CYTH1: variants seen among roughly 807,000 people sequenced by gnomAD.
CYTH1 encodes cytohesin 1.
In CYTH1, 18 loss-of-function variants were observed where a neutral mutation model predicts 61.8. That is an observed-to-expected ratio of 0.29 (90% CI 0.20 to 0.43). The LOEUF is 0.43. Among genes scored for constraint, CYTH1 ranks in the 20% least tolerant of loss-of-function variants. The probability of loss-of-function intolerance (pLI) is 1.00; values close to 1 mark genes in which losing one functional copy is unlikely to be tolerated. For missense variants in CYTH1, 336 were observed against 510.5 expected (o/e 0.66, Z 3.29); for synonymous variants, 174 against 184.3 (o/e 0.94, Z 0.45).
chr17:78,780,807 G>C (rs2093513885), intron 1 of CYTH1, among the ~76,000 whole-genome samples: 1 of 152,134 alleles, frequency 6.6e-6, no homozygotes, highest in Non-Finnish European at 1.5e-5. Flanking sequence ...AGAAGTTCAA[G>C]ACCAGCCTGG....
At chr17:78,714,662 C>T (rs2093166000) in intron 1 of CYTH1, among the ~76,000 whole-genome samples, 1 of 152,100 alleles carries the variant, frequency 6.6e-6, no homozygotes, top group East Asian at 1.9e-4. Context: ...GAGAACCCTA[C>T]CCCAAGCAGG....
At chr17:78,745,132 C>G (rs1257148433) in intron 1 of CYTH1, among the ~76,000 whole-genome samples, 1 of 151,948 alleles carries the variant, frequency 6.6e-6, no homozygotes, top group Non-Finnish European at 1.5e-5. Flanking sequence ...CAGAGAGGAC[C>G]CTTGAGCCAG....
intron 11 of CYTH1, among the ~76,000 whole-genome samples, chr17:78,684,611 T>C (rs1187257070): frequency 6.6e-6 from 1 of 152,160 alleles, no homozygotes; most frequent in African/African-American, 2.4e-5. Context: ...AGAATACAGG[T>C]GAAAGGTTTA....
chr17:78,727,227 C>T (rs562357605), intron 1 of CYTH1, among the ~76,000 whole-genome samples: 2 of 152,362 alleles, frequency 1.3e-5, no homozygotes, highest in African/African-American at 4.8e-5. Flanking sequence ...CCAAGCACCA[C>T]AGACATGATA....
chr17:78,711,859 C>T (rs1320031377), intron 1 of CYTH1, among the ~76,000 whole-genome samples: 1 of 151,740 alleles, frequency 6.6e-6, no homozygotes, highest in African/African-American at 2.4e-5. Flanking sequence ...ACCAGGCAGA[C>T]TGCTTGAGCC....
At chr17:78,680,493 G>T in intron 12 of CYTH1, 149 bp from the exon 13 acceptor site, 1 of 969,190 alleles carries the variant, frequency 1.0e-6, no homozygotes, top group Non-Finnish European at 1.5e-6. Context: ...AAGCCTAGAA[G>T]CGGAATTCTA....
chr17:78,757,098 C>T (rs1197981688), intron 1 of CYTH1, among the ~76,000 whole-genome samples: 6 of 151,198 alleles, frequency 4.0e-5, no homozygotes, highest in African/African-American at 1.2e-4. Flanking sequence ...CAGACGCCCG[C>T]CACCATACCC....
At chr17:78,769,273 T>C (rs1598925479) in intron 1 of CYTH1, among the ~76,000 whole-genome samples, 1 of 151,536 alleles carries the variant, frequency 6.6e-6, no homozygotes, top group African/African-American at 2.4e-5. Flanking sequence ...GTCCCCCATT[T>C]CTCTAACCCT....
In CYTH1 at chr17:78,755,027, A is replaced by C. The variant is rs765861419; in HGVS notation, c.22+27175T>G. ...ACATGAATGTTCCCAGCAGTTTTAT[A>C]CACAATAGCCCAAATCTGGAAACAA... On this transcript the variant is annotated intron_variant, in intron 1 of 13. Transcript: ENST00000446868. Among the ~76,000 whole-genome samples the C allele has an allele frequency of 1.2e-4, 19 of 152,292 alleles. No homozygotes were observed. The Middle Eastern group carries it at 0.01, about 82-fold the overall frequency.
intron 1 of CYTH1, among the ~76,000 whole-genome samples, chr17:78,731,012 A>T (rs1035860063): frequency 2.0e-5 from 3 of 152,130 alleles, no homozygotes; most frequent in Admixed American, 2.0e-4. Context: ...GAAAGTCCTC[A>T]CACACCAGCT....
chr17:78,740,216 G>A (rs1010595019), intron 1 of CYTH1, among the ~76,000 whole-genome samples: 4 of 152,126 alleles, frequency 2.6e-5, no homozygotes, highest in African/African-American at 7.2e-5. Flanking sequence ...GATTACAGGC[G>A]TGAGCCATTG....
At chr17:78,755,629 G>A (rs1273813131) in intron 1 of CYTH1, among the ~76,000 whole-genome samples, 1 of 152,126 alleles carries the variant, frequency 6.6e-6, no homozygotes, top group Non-Finnish European at 1.5e-5. Context: ...TGGGGCCGGG[G>A]TAGAGGGAGG....
In CYTH1 at chr17:78,675,808, A is replaced by G. The variant is rs2092691896; in HGVS notation, c.*283T>C. 1 of 1,370,072 alleles carries G rather than the reference A, an allele frequency of 7.3e-7. No individual in the cohort carries two copies. Among genetic ancestry groups the G allele is most frequent in the Non-Finnish European group, 9.7e-7 (1 of 1,033,436 alleles). 84.9% of individuals were successfully genotyped at this position (1,370,072 alleles called of 1,614,324 possible). ...GAGCTCTGCTACCAGAACACTGAGC[A>G]GAGAAACTGGCCAGGAGGCTGCCCT... On this transcript the variant is annotated 3_prime_UTR_variant, in exon 14 of 14. Coordinates refer to ENST00000446868, the MANE Select transcript of CYTH1 (RefSeq NM_004762.6).
Position 78,695,997 on chromosome 17 carries a change from G to A in CYTH1, c.814+10C>T, listed in dbSNP as rs770789100. ...TAGCAGAGCGAGCGAGCAGGCTGAG[G>A]GTTACATACCTCCTGGAGTTTGGGG... On this transcript the variant is annotated intron_variant, in intron 10 of 13. Transcript: ENST00000446868. 1.1e-5 allele frequency: 15 copies of A among 1,367,700 alleles called. No homozygotes were observed. In the East Asian group the frequency reaches 6.8e-4, roughly 62 times the overall value. The allele number at this position is 1,367,700 out of a possible 1,614,324, so 84.7% of individuals were successfully genotyped here. A position where few individuals can be genotyped will look rare whatever the true frequency, so the allele number is the denominator to read the frequency against.
chr17:78,758,115 T>C (rs1490447234), intron 1 of CYTH1, among the ~76,000 whole-genome samples: 2 of 152,004 alleles, frequency 1.3e-5, no homozygotes, highest in East Asian at 1.9e-4. Context: ...CCTAAGAAAA[T>C]CACTGGAAAT....
At chr17:78,727,718 T>C (rs1159611543) in intron 1 of CYTH1, 6 of 471,026 alleles carry the variant, frequency 1.3e-5, no homozygotes, top group African/African-American at 2.0e-5. Flanking sequence ...TGCATCCTTC[T>C]GGTGCCAACT....
chr17:78,711,891 C>T (rs2093136225), intron 1 of CYTH1, among the ~76,000 whole-genome samples: 1 of 151,828 alleles, frequency 6.6e-6, no homozygotes, highest in Admixed American at 6.6e-5. Flanking sequence ...GCATGGACAA[C>T]ATGGTGAAAC....
intron 1 of CYTH1, 83 bp downstream of exon 1, chr17:78,782,119 G>A: frequency 1.7e-6 from 2 of 1,162,264 alleles, no homozygotes; most frequent in Non-Finnish European, 2.2e-6. Context: ...AACGCCAGCC[G>A]CCGCAAGCGC....
At chr17:78,706,448 T>C (rs976084651) in intron 3 of CYTH1, among the ~76,000 whole-genome samples, 3 of 152,220 alleles carry the variant, frequency 2.0e-5, no homozygotes, top group Admixed American at 1.3e-4. Context: ...GTGAGATTCA[T>C]CCGTGCTGCT....
Sources: allele counts gnomAD v4.1 joint callset (sites outside exome capture counted in the v4.1 genomes callset), GRCh38; gene constraint gnomAD v4.1.1; transcripts MANE v1.5; gene names NCBI Gene and HGNC (gene_info 2026-07-23, HGNC 2026-07-21).